Variants in PFDN1 observed in about 807,000 individuals in gnomAD.
PFDN1 encodes prefoldin subunit 1.
In PFDN1, 6 loss-of-function variants were observed where a neutral mutation model predicts 17.3. That is an observed-to-expected ratio of 0.35 (90% CI 0.19 to 0.69). The LOEUF (loss-of-function observed/expected upper bound fraction) is 0.69, where lower values mean the gene tolerates loss of function less well. Among genes scored for constraint, PFDN1 ranks in the 30% least tolerant of loss-of-function variants. The pLI is 0.65. For missense variants in PFDN1, 113 were observed against 146.2 expected (o/e 0.77, Z 1.17); for synonymous variants, 58 against 50.1 (o/e 1.16, Z -0.67).
chr5:140,289,516 T>G (rs2126697984), intron 2 of PFDN1, among the ~76,000 whole-genome samples: 1 of 152,272 alleles, frequency 6.6e-6, no homozygotes, highest in East Asian at 1.9e-4. Context: ...CATAAATCCC[T>G]CCTTCCTCTT....
At chr5:140,287,564 C>T (rs966118938) in intron 2 of PFDN1, among the ~76,000 whole-genome samples, 2 of 151,952 alleles carry the variant, frequency 1.3e-5, no homozygotes, top group African/African-American at 2.4e-5. Context: ...CTATAGGGCT[C>T]GGCAGGGAAA....
chr5:140,260,991 G>A (rs1389229498), intron 3 of PFDN1, among the ~76,000 whole-genome samples: 5 of 151,400 alleles, frequency 3.3e-5, no homozygotes, highest in East Asian at 1.9e-4. Context: ...GTGAAACCCC[G>A]TCTCTACTAA....
chr5:140,246,078 A>G, intron 3 of PFDN1, 21 bp from the exon 4 acceptor site: 1 of 1,448,230 alleles, frequency 6.9e-7, no homozygotes, highest in Non-Finnish European at 9.5e-7. Flanking sequence ...AGAGACAGAC[A>G]AAGGTTAGGA....
chr5:140,265,009 T>C (rs1213556917), intron 3 of PFDN1, among the ~76,000 whole-genome samples: 2 of 152,214 alleles, frequency 1.3e-5, no homozygotes, highest in Non-Finnish European at 2.9e-5. Flanking sequence ...TCTTTGCTTC[T>C]GCCCATGTTA....
At chr5:140,283,546 G>A (rs61313489) in intron 2 of PFDN1, among the ~76,000 whole-genome samples, 3,273 of 152,136 alleles carry the variant, frequency 0.022, 130 homozygotes, top group African/African-American at 0.074. Flanking sequence ...CCCAACTGAT[G>A]ATCTTAGTCT....
At chr5:140,287,936 T>C (rs1765522034) in intron 2 of PFDN1, among the ~76,000 whole-genome samples, 1 of 152,226 alleles carries the variant, frequency 6.6e-6, no homozygotes, top group Non-Finnish European at 1.5e-5. Flanking sequence ...GAGAACACCA[T>C]ATGCCGATGA....
At chr5:140,256,486 A>G (rs1354446226) in intron 3 of PFDN1, among the ~76,000 whole-genome samples, 3 of 152,046 alleles carry the variant, frequency 2.0e-5, no homozygotes, top group African/African-American at 7.2e-5. Context: ...TTCCAGATTT[A>G]ACATATCCAA....
At chr5:140,263,914 A>G (rs947415888) in intron 3 of PFDN1, among the ~76,000 whole-genome samples, 5 of 150,428 alleles carry the variant, frequency 3.3e-5, no homozygotes, top group Admixed American at 1.3e-4. Context: ...CCAGCTACTC[A>G]GGAGGCTGAA....
intron 3 of PFDN1, among the ~76,000 whole-genome samples, chr5:140,269,412 G>A (rs181323112): frequency 5.9e-4 from 89 of 151,362 alleles, no homozygotes; most frequent in African/African-American, 2.0e-3. Context: ...TCCATCTCCC[G>A]GGTTCAAGCG....
intron 3 of PFDN1, among the ~76,000 whole-genome samples, chr5:140,251,750 T>C (rs1764916947): frequency 6.6e-6 from 1 of 152,100 alleles, no homozygotes; most frequent in Non-Finnish European, 1.5e-5. Flanking sequence ...GCCAGGGAAA[T>C]GACATTGTTG....
At chr5:140,256,577 C>T (rs1179436461) in intron 3 of PFDN1, among the ~76,000 whole-genome samples, 3 of 150,540 alleles carry the variant, frequency 2.0e-5, no homozygotes, top group African/African-American at 7.4e-5. Flanking sequence ...TTATGGTCAC[C>T]CCCACCCCTA....
chr5:140,260,452 AC>A (rs1235782773), intron 3 of PFDN1, among the ~76,000 whole-genome samples: 1 of 152,030 alleles, frequency 6.6e-6, no homozygotes. Context: ...ATGTCCATCA[AC>A]TGATAAATGG....
At chr5:140,270,240 A>C (rs1013161985) in intron 3 of PFDN1, among the ~76,000 whole-genome samples, 1 of 152,176 alleles carries the variant, frequency 6.6e-6, no homozygotes, top group Non-Finnish European at 1.5e-5. Flanking sequence ...AAATGATTTG[A>C]GGAATCCAGG....
At chr5:140,265,066 C>G (rs972576284) in intron 3 of PFDN1, among the ~76,000 whole-genome samples, 3 of 152,180 alleles carry the variant, frequency 2.0e-5, no homozygotes, top group African/African-American at 7.2e-5. Context: ...AGATCCATGG[C>G]AGACCTTTTA....
intron 3 of PFDN1, among the ~76,000 whole-genome samples, chr5:140,256,885 G>A (rs1416914105): frequency 2.0e-5 from 3 of 151,980 alleles, no homozygotes; most frequent in South Asian, 2.1e-4. Context: ...GAGGTGTGTC[G>A]TGGACACTCT....
chr5:140,266,358 G>A (rs912340020), intron 3 of PFDN1, among the ~76,000 whole-genome samples: 31 of 152,162 alleles, frequency 2.0e-4, no homozygotes, highest in African/African-American at 7.2e-4. Flanking sequence ...ACTGGTTTGT[G>A]ACTTGAGAAA....
In PFDN1 at chr5:140,263,137, C is replaced by T. The variant is rs1472561151; in HGVS notation, c.286-17080G>A. On this transcript the variant is annotated intron_variant, in intron 3 of 3. Transcript: ENST00000261813. ...ATAGTCCCGGCCTCCTCCATCTAGTCCAGGGAAGACTGGTGGCTTTTCTGA... is the reference window on the plus strand; with the variant it reads ...ATAGTCCCGGCCTCCTCCATCTAGTTCAGGGAAGACTGGTGGCTTTTCTGA... Among the ~76,000 whole-genome samples the T allele has an allele frequency of 5.3e-5, 8 of 152,350 alleles. No homozygotes were observed. The South Asian group carries it at 1.7e-3, about 32-fold the overall frequency.
intron 1 of PFDN1, 117 bp downstream of exon 1, chr5:140,302,924 C>A (rs575200065): frequency 2.5e-6 from 2 of 816,264 alleles, no homozygotes; most frequent in East Asian, 2.4e-5. Flanking sequence ...GAAACCATTC[C>A]CTAGTCCACT....
chr5:140,257,798 A>G (rs1171713027), intron 3 of PFDN1, among the ~76,000 whole-genome samples: 1 of 152,214 alleles, frequency 6.6e-6, no homozygotes, highest in Admixed American at 6.5e-5. Context: ...TTATCCCTGG[A>G]GATTATACTG....
Sources: gnomAD v4.1 joint callset for allele counts (sites outside exome capture counted in the v4.1 genomes callset) on GRCh38, gnomAD v4.1.1 for gene constraint, MANE v1.5 for transcripts, NCBI Gene and HGNC (gene_info 2026-07-23, HGNC 2026-07-21) for gene names.